Variants in AMY2B observed in about 807,000 individuals in gnomAD.
AMY2B encodes alpha-amylase 2B.
A neutral mutation model predicts 59.3 loss-of-function variants in AMY2B; 63 were observed. That is an observed-to-expected ratio of 1.06 (90% CI 0.87 to 1.31). The LOEUF is 1.31. Among genes scored for constraint, AMY2B ranks in the 50% most tolerant of loss-of-function variants. The pLI is 0.00. For missense variants in AMY2B, 635 were observed against 626.7 expected (o/e 1.01, Z -0.14); for synonymous variants, 180 against 198.1 (o/e 0.91, Z 0.77).
In AMY2B at chr1:103,571,781, T is replaced by C; in HGVS notation, c.168+11T>C. On this transcript the variant is annotated intron_variant, in intron 1 of 9. Transcript: ENST00000684275. ...TTTGGAGGGGTTCAGGTGGGTATGA[T>C]TCATAGTATCAATTGCAGAATTCAC... 6.2e-7 allele frequency: 1 copy of C among 1,611,916 alleles called. No homozygotes were observed. The highest frequency in any genetic ancestry group is 8.5e-7 in the Non-Finnish European group (1 of 1,179,826).
rs1239838991 is a variant in AMY2B, at chr1:103,575,457, G to A, written c.1018G>A (p.Val340Ile). The change falls in exon 7 of 10, where the codon GTT becomes ATT. Residue 340 changes from valine (V) to isoleucine (I), a missense_variant. By Grantham distance (29) the Val-to-Ile change is conservative. Transcript: ENST00000684275. ...AACTTTCAGGCTGTATAAAATGGCA[G>A]TTGGATTTATGCTTGCTCATCCTTA... is the stretch of plus-strand genomic sequence containing the variant. ...FWDARLYKMA[V>I]GFMLAHPYGF... 5 of 1,613,630 alleles carry A rather than the reference G, an allele frequency of 3.1e-6. No individual in the cohort carries two copies. Among genetic ancestry groups the A allele is most frequent in the Admixed American group, 1.7e-5 (1 of 59,986 alleles).
Position 103,577,498 on chromosome 1 carries a change from T to C in AMY2B, c.1110T>C (p.Asn370=), listed in dbSNP as rs1827334. 5.6e-6 allele frequency: 9 copies of C among 1,611,796 alleles called. No homozygotes were observed. Among genetic ancestry groups the C allele is most frequent in the African/African-American group, 1.3e-5 (1 of 74,854 alleles). Reference sequence around the variant, plus strand: ...TTCACCCCCTAATTAAGGATGTTAATGATTGGGTTGGGCCACCAAATAATA... The same window carrying C: ...TTCACCCCCTAATTAAGGATGTTAACGATTGGGTTGGGCCACCAAATAATA... ...PRQFQNGNDV[N]DWVGPPNNNG... Residue 370 remains asparagine, a synonymous_variant, in exon 8 of 10, where the codon AAT becomes AAC. Coordinates refer to ENST00000684275, the MANE Select transcript of AMY2B (RefSeq NM_001387437.1).
rs1333926787 is a variant in AMY2B, at chr1:103,573,649, G to A, written c.514-59G>A. 3.7e-6 allele frequency: 6 copies of A among 1,602,472 alleles called. No homozygotes were observed. In the Admixed American group the frequency reaches 5.0e-5, roughly 13 times the overall value. On this transcript the variant is annotated intron_variant, in intron 3 of 9. Transcript: ENST00000684275. ...TCATGGAATAAATGAATAATCAAAT[G>A]GATTCTCATGTGAAAAATGAGGTTT... is the stretch of plus-strand genomic sequence containing the variant.
intron 1 of AMY2B, among the ~76,000 whole-genome samples, chr1:103,556,241 A>G (rs1358365962): frequency 1.3e-5 from 2 of 152,180 alleles, no homozygotes; most frequent in East Asian, 3.8e-4. Context: ...GTTTTTCTCC[A>G]GTTGAGTTCA....
At chr1:103,570,623 G>A, upstream of AMY2B, 1 of 587,264 alleles carries the variant, frequency 1.7e-6, no homozygotes, top group Non-Finnish European at 3.4e-6. Context: ...GGATTAGCAA[G>A]CAATAGTACA....
Position 103,579,304 on chromosome 1 carries a change from T to G in AMY2B, c.1347-7T>G. 6.2e-7 allele frequency: 1 copy of G among 1,611,700 alleles called. No homozygotes were observed. Among genetic ancestry groups the G allele is most frequent in the Non-Finnish European group, 8.5e-7 (1 of 1,179,652 alleles). On this transcript the variant is annotated splice_region_variant and splice_polypyrimidine_tract_variant and intron_variant, in intron 9 of 9. Coordinates refer to ENST00000684275, the MANE Select transcript of AMY2B (RefSeq NM_001387437.1). ...ATTGAAGTTAAATCTGAAATTTTAT[T>G]TTACAGGACATTTTCTTTAACTTTG...
rs759099846 is a variant in AMY2B at position 103,579,279 on chromosome 1, A to G, written c.1347-32A>G. ...AGCCTGTATTCTTGATTTTCAGTGT[A>G]TTGAAGTTAAATCTGAAATTTTATT... is the stretch of plus-strand genomic sequence containing the variant. On this transcript the variant is annotated intron_variant, in intron 9 of 9. Transcript: ENST00000684275. 6 of 1,611,444 alleles carry G rather than the reference A, an allele frequency of 3.7e-6. No individual in the cohort carries two copies. The Admixed American group carries it at 6.7e-5, about 18-fold the overall frequency.
rs1652252740 is a variant in AMY2B, at chr1:103,574,192, T to C, written c.745-68T>C. ...GCTTAAAGCTATCTTTTATATAATA[T>C]TAACTTATTGGTTAAAATGCTTTAA... On this transcript the variant is annotated intron_variant, in intron 4 of 9. Coordinates refer to ENST00000684275, the MANE Select transcript of AMY2B (RefSeq NM_001387437.1). The C allele has an allele frequency of 1.4e-5, 23 of 1,605,232 alleles. No individual in the cohort carries two copies. The East Asian group carries it at 3.1e-4, about 22-fold the overall frequency.
At chr1:103,569,791 T>C, upstream of AMY2B, 1 of 448,108 alleles carries the variant, frequency 2.2e-6, no homozygotes, top group Non-Finnish European at 4.5e-6. Flanking sequence ...CCAACTGGGA[T>C]GACATAGAGA....
rs4098273 is a variant in AMY2B at position 103,573,100 on chromosome 1, C to G, written c.353C>G (p.Ser118Cys). ...IYVDAVINHM[S>C]GNAVSAGTSS... ...GTGGATGCTGTAATTAATCATATGT[C>G]TGGTAATGCTGTGAGTGCAGGAACA... The change falls in exon 3 of 10, where the codon TCT (serine) becomes TGT (cysteine). Residue 118 changes from serine to cysteine, a missense_variant. Coordinates refer to ENST00000684275, the MANE Select transcript of AMY2B (RefSeq NM_001387437.1). 189 of 1,613,712 alleles carry G rather than the reference C, an allele frequency of 1.2e-4. 1 individual carries two copies. The highest frequency in any genetic ancestry group is 2.7e-4 in the African/African-American group (20 of 75,028).
intron 1 of AMY2B, among the ~76,000 whole-genome samples, chr1:103,564,351 A>G (rs1462846122): frequency 2.0e-5 from 3 of 151,408 alleles, no homozygotes; most frequent in South Asian, 4.2e-4. Flanking sequence ...TTCTCTGTCA[A>G]CTCTTTACAC....
upstream of AMY2B, chr1:103,568,605 T>TGAAATG: frequency 6.6e-6 from 1 of 152,282 alleles, no homozygotes; most frequent in South Asian, 2.1e-4. Flanking sequence ...TATGTCTGTT[T>TGAAATG]GAAATGGAAA....
intron 5 of AMY2B, among the ~76,000 whole-genome samples, chr1:103,574,628 A>G (rs148133724): frequency 6.6e-6 from 1 of 152,262 alleles, no homozygotes; most frequent in East Asian, 1.9e-4. Flanking sequence ...CCGTCTAAGT[A>G]CGAGATGAAT....
intron 2 of AMY2B, 92 bp downstream of exon 2, chr1:103,572,348 T>C: frequency 2.0e-6 from 3 of 1,529,470 alleles, no homozygotes; most frequent in Non-Finnish European, 2.6e-6. Flanking sequence ...AAGTTTTCCA[T>C]ATTTTATTTT....
Position 103,575,451 on chromosome 1 carries a change from A to G in AMY2B, c.1012A>G (p.Met338Val). ...LTFWDARLYK[M>V]AVGFMLAHPY... ...TTATGTAACTTTCAGGCTGTATAAA[A>G]TGGCAGTTGGATTTATGCTTGCTCA... The change falls in exon 7 of 10, where the codon ATG becomes GTG. Residue 338 changes from methionine (M) to valine (V), a missense_variant. Coordinates refer to ENST00000684275, the MANE Select transcript of AMY2B (RefSeq NM_001387437.1). 6.2e-7 allele frequency: 1 copy of G among 1,613,676 alleles called. No individual in the cohort carries two copies. The highest frequency in any genetic ancestry group is 8.5e-7 in the Non-Finnish European group (1 of 1,179,736).
chr1:103,558,807 C>A (rs1486255793), intron 1 of AMY2B, among the ~76,000 whole-genome samples: 1 of 150,030 alleles, frequency 6.7e-6, no homozygotes, highest in Non-Finnish European at 1.5e-5. Flanking sequence ...TTTCCTCTGT[C>A]TCTCTTCCCA....
chr1:103,559,223 C>T lies in AMY2B; in HGVS notation c.-207+4114C>T, dbSNP rs1651658605. Among the ~76,000 whole-genome samples, 4 of 152,146 alleles carry T rather than the reference C, an allele frequency of 2.6e-5. No individual in the cohort carries two copies. The South Asian group carries it at 8.3e-4, about 32-fold the overall frequency. On this transcript the variant is annotated intron_variant, in intron 1 of 11. Transcript: ENST00000361355. Reference sequence around the variant, plus strand: ...TGGTGGTCCAGTTAAGTTTATTATGCCATATTTTTATCGGAAGTTTCCTAT... The same window carrying T: ...TGGTGGTCCAGTTAAGTTTATTATGTCATATTTTTATCGGAAGTTTCCTAT...
chr1:103,559,019 C>G lies in AMY2B; in HGVS notation c.-207+3910C>G, dbSNP rs942239620. Among the ~76,000 whole-genome samples, 5 of 152,086 alleles carry G rather than the reference C, an allele frequency of 3.3e-5. No homozygotes were observed. The East Asian group carries it at 5.8e-4, about 18-fold the overall frequency. On this transcript the variant is annotated intron_variant, in intron 1 of 11. Transcript: ENST00000361355. ...TCTGAGATGATGTAAAAGTTACATG[C>G]AAATACTACATTGTATATAAAAGAC...
chr1:103,576,947 C>T (rs1395583951), intron 7 of AMY2B, among the ~76,000 whole-genome samples: 2 of 152,098 alleles, frequency 1.3e-5, no homozygotes, highest in South Asian at 2.1e-4. Flanking sequence ...GTTAAGAAGC[C>T]CTTGCAGGCC....
Sources: gnomAD v4.1 joint callset for allele counts (sites outside exome capture counted in the v4.1 genomes callset) on GRCh38, gnomAD v4.1.1 for gene constraint, MANE v1.5 for transcripts, NCBI Gene and HGNC (gene_info 2026-07-23, HGNC 2026-07-21) for gene names.